Variants in L3MBTL4 observed in about 807,000 individuals in gnomAD.
The protein encoded by L3MBTL4 is L3MBTL histone methyl-lysine binding protein 4, also known as lethal(3)malignant brain tumor-like protein 4.
In L3MBTL4, 70 loss-of-function variants were observed where a neutral mutation model predicts 84.5. The ratio of observed to expected loss-of-function variants is 0.83; its 90% CI spans 0.68 to 1.01. The LOEUF is 1.01. Ranked by LOEUF, L3MBTL4 falls within the 50% of genes least tolerant of loss-of-function variation. L3MBTL4 has a pLI of 0.00. For synonymous variants in L3MBTL4, 274 were observed against 259.8 expected (o/e 1.05, Z -0.52); for missense variants, 715 against 754.8 (o/e 0.95, Z 0.62).
chr18:6,402,790 C>A (rs372790987), intron 1 of L3MBTL4, among the ~76,000 whole-genome samples: 1 of 152,194 alleles, frequency 6.6e-6, no homozygotes, highest in African/African-American at 2.4e-5. Context: ...TGTCAGAATT[C>A]TTACAGAATA....
In L3MBTL4 at chr18:6,171,881, A is replaced by G. The variant is rs1599002926; in HGVS notation, c.1043T>C (p.Ile348Thr). ...DYWVEADSPD[I>T]HPIGWCDVTG... ...GACATCACACCATCCGATCGGGTGG[A>G]TATCAGGGCTGTCTGCCTCCACCCA... The change falls in exon 13 of 19, where the codon ATC becomes ACC. Residue 348 changes from isoleucine (I) to threonine (T), a missense_variant. Physicochemically the swap from Ile to Thr is moderately conservative, Grantham distance 89. Coordinates refer to ENST00000317931, the MANE Select transcript of L3MBTL4 (RefSeq NM_001330559.2). 1 of 1,556,886 alleles carries G rather than the reference A, an allele frequency of 6.4e-7. No homozygotes were observed. The highest frequency in any genetic ancestry group is 8.7e-7 in the Non-Finnish European group (1 of 1,149,104).
intron 13 of L3MBTL4, among the ~76,000 whole-genome samples, chr18:6,150,293 A>G (rs2042836688): frequency 6.6e-6 from 1 of 152,172 alleles, no homozygotes; most frequent in Admixed American, 6.5e-5. Flanking sequence ...TGAAAAGTAC[A>G]TCTAAAGCGG....
rs751516573 is a variant in L3MBTL4, at chr18:6,213,207, C to T, written c.923G>A (p.Arg308Gln). The T allele has an allele frequency of 2.7e-5, 43 of 1,611,356 alleles. No individual in the cohort carries two copies. Among genetic ancestry groups the T allele is most frequent in the East Asian group, 2.2e-5 (1 of 44,788 alleles). The part of the protein sequence containing the change: ...PNMKLEVVDK[R>Q]NPRLIRVATI... ...AGCAACACGAATTAACCTGGGGTTC[C>T]GTTTATCCACAACTTCAAGTTTCAT... The change falls in exon 12 of 19, where the codon CGG becomes CAG. Residue 308 changes from arginine to glutamine, a missense_variant. Coordinates refer to ENST00000317931, the MANE Select transcript of L3MBTL4 (RefSeq NM_001330559.2).
At chr18:6,243,502 TTC>T in intron 6 of L3MBTL4, 73 bp from the exon 7 acceptor site, 1 of 1,312,440 alleles carries the variant, frequency 7.6e-7, no homozygotes, top group Non-Finnish European at 1.0e-6. Context: ...TCACAAAATA[TTC>T]ATATATTTTG....
intron 16 of L3MBTL4, among the ~76,000 whole-genome samples, chr18:6,023,733 C>T (rs1392731492): frequency 6.6e-6 from 1 of 152,146 alleles, no homozygotes; most frequent in African/African-American, 2.4e-5. Context: ...CTGTGTGGGG[C>T]TGTACCTTTC....
intron 6 of L3MBTL4, among the ~76,000 whole-genome samples, chr18:6,243,876 A>G (rs554381994): frequency 6.6e-6 from 1 of 152,352 alleles, no homozygotes; most frequent in Non-Finnish European, 1.5e-5. Context: ...AGCACACTCA[A>G]TAAAGAGAAT....
chr18:6,312,532 A>G (rs1330110265), intron 1 of L3MBTL4, among the ~76,000 whole-genome samples: 2 of 151,916 alleles, frequency 1.3e-5, no homozygotes, highest in African/African-American at 4.8e-5. Flanking sequence ...ACTGTACACC[A>G]CCCAAGAGCA....
intron 15 of L3MBTL4, among the ~76,000 whole-genome samples, chr18:6,091,175 G>T (rs1041145046): frequency 6.6e-6 from 1 of 152,166 alleles, no homozygotes; most frequent in Non-Finnish European, 1.5e-5. Flanking sequence ...GTTAAAATAT[G>T]TTTTATCTGT....
chr18:6,289,593 C>CTTTG (rs893004816), intron 4 of L3MBTL4, among the ~76,000 whole-genome samples: 7 of 152,284 alleles, frequency 4.6e-5, no homozygotes, highest in African/African-American at 1.7e-4. Flanking sequence ...AGAGGTTAAT[C>CTTTG]TTTGCTGTAT....
chr18:6,354,792 G>A (rs538130989), intron 1 of L3MBTL4, among the ~76,000 whole-genome samples: 5 of 152,272 alleles, frequency 3.3e-5, no homozygotes, highest in African/African-American at 1.2e-4. Context: ...AAACACTGGT[G>A]AGGATGTGGA....
Position 6,192,917 on chromosome 18 carries a change from C to T in L3MBTL4, c.981+20232G>A, listed in dbSNP as rs113147208. 1.5e-3 allele frequency among the ~76,000 whole-genome samples: 227 copies of T among 151,206 alleles called. 1 individual carries two copies. The highest frequency in any genetic ancestry group is 5.3e-3 in the African/African-American group (216 of 41,120). On this transcript the variant is annotated intron_variant, in intron 12 of 18. Coordinates refer to ENST00000317931, the MANE Select transcript of L3MBTL4 (RefSeq NM_001330559.2). ...TATCTATTGTACATGGAGTTCATGC[C>T]GTGTAAAGAGAAAAAAAGAAAACAA...
intron 1 of L3MBTL4, among the ~76,000 whole-genome samples, chr18:6,345,528 A>G (rs2052855531): frequency 6.6e-6 from 1 of 151,694 alleles, no homozygotes; most frequent in African/African-American, 2.4e-5. Flanking sequence ...GTTGCTATAC[A>G]CTGACAACAA....
Position 6,279,572 on chromosome 18 carries a change from T to C in L3MBTL4, c.128-15534A>G, listed in dbSNP as rs561972159. ...GGGATATTCATGTGATGGTGAAGTCTGCAGTAAAGAGCACATCTGTGTGCA... is the reference window on the plus strand; with the variant it reads ...GGGATATTCATGTGATGGTGAAGTCCGCAGTAAAGAGCACATCTGTGTGCA... On this transcript the variant is annotated intron_variant, in intron 4 of 18. Coordinates refer to ENST00000317931, the MANE Select transcript of L3MBTL4 (RefSeq NM_001330559.2). 1.6e-4 allele frequency among the ~76,000 whole-genome samples: 25 copies of C among 152,318 alleles called. No individual in the cohort carries two copies. In the South Asian group the frequency reaches 5.2e-3, roughly 32 times the overall value.
chr18:6,145,275 T>C (rs2042599995), intron 13 of L3MBTL4, among the ~76,000 whole-genome samples: 1 of 152,196 alleles, frequency 6.6e-6, no homozygotes, highest in South Asian at 2.1e-4. Context: ...CTGGGTGATG[T>C]AAATGAAAAT....
At chr18:6,015,619 T>C (rs2054930603) in intron 16 of L3MBTL4, among the ~76,000 whole-genome samples, 1 of 152,142 alleles carries the variant, frequency 6.6e-6, no homozygotes, top group South Asian at 2.1e-4. Flanking sequence ...CTGGGAATTG[T>C]AAAAGAAATA....
At chr18:6,334,711 A>G (rs1382114907) in intron 1 of L3MBTL4, among the ~76,000 whole-genome samples, 1 of 152,176 alleles carries the variant, frequency 6.6e-6, no homozygotes, top group Admixed American at 6.5e-5. Flanking sequence ...CATACATAGC[A>G]AATCTACCTT....
rs145003728 is a variant in L3MBTL4, at chr18:6,372,473, C to T, written c.-91+42328G>A. Among the ~76,000 whole-genome samples, 398 of 152,308 alleles carry T rather than the reference C, an allele frequency of 2.6e-3. 9 individuals are homozygous for T. The highest frequency in any genetic ancestry group is 9.1e-3 in the African/African-American group (380 of 41,570). On this transcript the variant is annotated intron_variant, in intron 1 of 18. Coordinates refer to ENST00000317931, the MANE Select transcript of L3MBTL4 (RefSeq NM_001330559.2). ...TATTAGTTTGAAAGCAAGGTAAGAT[C>T]AAATCCCAGAACCAACTATAATTCT...
chr18:6,307,722 T>C (rs895467266), intron 3 of L3MBTL4, among the ~76,000 whole-genome samples: 14 of 152,056 alleles, frequency 9.2e-5, no homozygotes, highest in Non-Finnish European at 1.5e-5. Flanking sequence ...GAATGAAAAA[T>C]GTCTCATATT....
chr18:6,376,725 G>A (rs1191330293), intron 1 of L3MBTL4, among the ~76,000 whole-genome samples: 1 of 152,180 alleles, frequency 6.6e-6, no homozygotes, highest in East Asian at 1.9e-4. Flanking sequence ...GTGACAGAGT[G>A]AGACCTTGTC....
Sources: gnomAD v4.1 joint callset for allele counts (sites outside exome capture counted in the v4.1 genomes callset) on GRCh38, gnomAD v4.1.1 for gene constraint, MANE v1.5 for transcripts, NCBI Gene and HGNC (gene_info 2026-07-23, HGNC 2026-07-21) for gene names.